USP22: variants seen among roughly 807,000 people sequenced by gnomAD.
USP22 encodes the protein ubiquitin carboxyl-terminal hydrolase 22.
USP22 carries 22 observed loss-of-function variants against 68.1 expected under a neutral mutation model. The observed-to-expected ratio is 0.32, with a 90% CI of 0.23 to 0.46. USP22 has a LOEUF of 0.46. Among genes scored for constraint, USP22 ranks in the 20% least tolerant of loss-of-function variants. USP22 has a pLI of 1.00. For synonymous variants in USP22, 279 were observed against 274.2 expected (o/e 1.02, Z -0.17); for missense variants, 433 against 695.8 (o/e 0.62, Z 4.25).
chr17:21,009,861 C>T (rs148057937), intron 8 of USP22, among the ~76,000 whole-genome samples: 3,116 of 151,660 alleles, frequency 0.021, 56 homozygotes, highest in Non-Finnish European at 0.03. Context: ...AGGTTGAGGC[C>T]GGAGAATCAC....
At chr17:21,043,399 C>T (rs1972477685), upstream of USP22, 2 of 363,150 alleles carry the variant, frequency 5.5e-6, no homozygotes, top group African/African-American at 2.2e-5. Flanking sequence ...GCTAGACGTT[C>T]CCTGTCTCTT....
intron 3 of USP22, among the ~76,000 whole-genome samples, chr17:21,019,405 C>A (rs1002272661): frequency 2.6e-5 from 4 of 152,218 alleles, no homozygotes; most frequent in Non-Finnish European, 5.9e-5. Context: ...AGCTACGTTT[C>A]CTGCAAGAAA....
chr17:21,010,060 G>A (rs558013554), intron 8 of USP22, among the ~76,000 whole-genome samples: 52 of 151,980 alleles, frequency 3.4e-4, no homozygotes, highest in Middle Eastern at 3.4e-3. Flanking sequence ...GGAGACCAAG[G>A]CTGAGCCCTG....
chr17:21,042,487 G>A (rs1160117021), intron 1 of USP22, among the ~76,000 whole-genome samples, 178 bp downstream of exon 1: 3 of 142,498 alleles, frequency 2.1e-5, no homozygotes, highest in African/African-American at 7.7e-5. Flanking sequence ...GAGTTGAGGG[G>A]GGAAGGAAAG....
chr17:21,023,038 G>A (rs540624811), intron 2 of USP22, among the ~76,000 whole-genome samples: 1 of 152,166 alleles, frequency 6.6e-6, no homozygotes. Flanking sequence ...AACATGGATG[G>A]AGCTGGAGGT....
At chr17:21,035,925 G>T (rs1972347622) in intron 1 of USP22, among the ~76,000 whole-genome samples, 1 of 151,306 alleles carries the variant, frequency 6.6e-6, no homozygotes, top group Non-Finnish European at 1.5e-5. Context: ...CAGTTACTCG[G>T]GAGGCTGAGG....
Position 21,042,706 on chromosome 17 carries a change from A to C in USP22, c.130T>G (p.Cys44Gly), listed in dbSNP as rs1289946310. ...WKQNLRAIYQCFVWSGTAEAR... is the reference protein window; with the variant it reads ...WKQNLRAIYQGFVWSGTAEAR... ...TCAGCCGTGCCGCTCCACACGAAGC[A>C]CTGGTAGATGGCCCGCAGGTTCTGC... The change falls in exon 1 of 13, where the codon TGC (cysteine) becomes GGC (glycine). Residue 44 changes from cysteine (C) to glycine (G), a missense_variant. Transcript: ENST00000261497. 7.0e-7 allele frequency: 1 copy of C among 1,429,876 alleles called. No individual in the cohort carries two copies. Among genetic ancestry groups the C allele is most frequent in the Non-Finnish European group, 9.2e-7 (1 of 1,082,604 alleles). 88.6% of individuals were successfully genotyped at this position (1,429,876 alleles called of 1,614,324 possible). A position where few individuals can be genotyped will look rare whatever the true frequency, so the allele number is the denominator to read the frequency against.
chr17:21,006,039 G>C (rs1387229388), intron 10 of USP22, among the ~76,000 whole-genome samples: 1 of 152,148 alleles, frequency 6.6e-6, no homozygotes, highest in Non-Finnish European at 1.5e-5. Context: ...AGCTGGAGGC[G>C]GTGAGGAATG....
Position 21,009,681 on chromosome 17 carries a change from A to G in USP22, c.1103+1470T>C, listed in dbSNP as rs1020771788. 6.4e-5 allele frequency among the ~76,000 whole-genome samples: 9 copies of G among 141,506 alleles called. No homozygotes were observed. In the Admixed American group the frequency reaches 6.6e-4, roughly 10 times the overall value. 92.8% of individuals were successfully genotyped at this position (141,506 alleles called of 152,430 possible). A position where few individuals can be genotyped will look rare whatever the true frequency, so the allele number is the denominator to read the frequency against. On this transcript the variant is annotated intron_variant, in intron 8 of 12. Transcript: ENST00000261497. ...TTAAAAAGGTTTTGGTTGGCCGGGC[A>G]TGCTGGCTCACACCTGTAATCCCAG...
intron 10 of USP22, among the ~76,000 whole-genome samples, chr17:21,005,466 C>T (rs1397760747): frequency 6.6e-6 from 1 of 152,186 alleles, no homozygotes; most frequent in African/African-American, 2.4e-5. Flanking sequence ...GAGAGGAGTG[C>T]TGGGAACAGG....
chr17:21,023,300 A>G (rs972736152), intron 2 of USP22, among the ~76,000 whole-genome samples: 2 of 152,226 alleles, frequency 1.3e-5, no homozygotes, highest in Non-Finnish European at 2.9e-5. Context: ...ATACGTTTAT[A>G]TAACAAACCT....
chr17:21,030,004 G>C (rs1972268605), intron 1 of USP22, among the ~76,000 whole-genome samples: 1 of 152,214 alleles, frequency 6.6e-6, no homozygotes, highest in Non-Finnish European at 1.5e-5. Context: ...ACTGTATTAT[G>C]TGAATTTCAC....
rs74467457 is a variant in USP22, at chr17:21,037,671, A to T, written c.171+4994T>A. ...AGAGCCCAAGAGGACGTGAAGACTCAAAGTAATGTGGGATTCTGAGACAGA... is the reference window on the plus strand; with the variant it reads ...AGAGCCCAAGAGGACGTGAAGACTCTAAGTAATGTGGGATTCTGAGACAGA... On this transcript the variant is annotated intron_variant, in intron 1 of 12. Coordinates refer to ENST00000261497, the MANE Select transcript of USP22 (RefSeq NM_015276.2). Among the ~76,000 whole-genome samples the T allele has an allele frequency of 2.5e-3, 377 of 152,350 alleles. 3 individuals carry two copies. The highest frequency in any genetic ancestry group is 0.017 in the East Asian group (90 of 5,194).
upstream of USP22, chr17:21,043,303 C>CCCCCCCCCCCG (rs1972474299): frequency 1.9e-5 from 1 of 53,672 alleles, no homozygotes; most frequent in Non-Finnish European, 5.1e-5. Context: ...TAGGCCACCC[C>CCCCCCCCCCCG]CCCCCCCCCC....
At chr17:21,014,717 G>A (rs1237461531) in intron 6 of USP22, among the ~76,000 whole-genome samples, 2 of 152,058 alleles carry the variant, frequency 1.3e-5, no homozygotes, top group South Asian at 2.1e-4. Context: ...TGTTCAACTC[G>A]GTGAACCGTC....
At chr17:21,032,377 C>G (rs771349923) in intron 1 of USP22, among the ~76,000 whole-genome samples, 6 of 152,238 alleles carry the variant, frequency 3.9e-5, no homozygotes, top group Non-Finnish European at 5.9e-5. Flanking sequence ...ACAGCACGTC[C>G]ATTGATAATA....
In USP22 at chr17:21,001,771, C is replaced by A. The variant is rs3612; in HGVS notation, c.*1260G>T. ...TTTTCCTCCCCCTTGTCCCTAGTTT[C>A]TAATTTCTCAGTGGACAAATGGACA... On this transcript the variant is annotated 3_prime_UTR_variant, in exon 13 of 13. Transcript: ENST00000261497. 113,738 of 152,152 alleles carry A rather than the reference C, an allele frequency of 0.75. 42,958 individuals are homozygous for A. Among genetic ancestry groups the A allele is most frequent in the South Asian group, 0.82 (3,953 of 4,808 alleles). The allele number at this position is 152,152 out of a possible 1,614,324, so 9.4% of individuals were successfully genotyped here. A position where few individuals can be genotyped will look rare whatever the true frequency, so the allele number is the denominator to read the frequency against.
intron 8 of USP22, among the ~76,000 whole-genome samples, chr17:21,009,972 T>TAAAA (rs1555589967): frequency 7.0e-5 from 10 of 142,538 alleles, no homozygotes; most frequent in African/African-American, 2.4e-4. Flanking sequence ...AAAAAAAAAT[T>TAAAA]AAAAAAAAAA....
At chr17:21,003,275 C>T (rs1371148374) in intron 12 of USP22, among the ~76,000 whole-genome samples, 1 of 151,990 alleles carries the variant, frequency 6.6e-6, no homozygotes, top group Non-Finnish European at 1.5e-5. Flanking sequence ...TCTCTGCAGC[C>T]CGACCACCAC....
Sources: allele counts gnomAD v4.1 joint callset (sites outside exome capture counted in the v4.1 genomes callset), GRCh38; gene constraint gnomAD v4.1.1; transcripts MANE v1.5; gene names NCBI Gene and HGNC (gene_info 2026-07-23, HGNC 2026-07-21).